Variants in EPHB4 observed in about 807,000 individuals in gnomAD.
EPHB4 encodes EPH receptor B4.
In EPHB4, 50 loss-of-function variants were observed where a neutral mutation model predicts 110.6. The ratio of observed to expected loss-of-function variants is 0.45; its 90% CI spans 0.36 to 0.57. EPHB4 has a LOEUF of 0.57. Among genes scored for constraint, EPHB4 ranks in the 20% least tolerant of loss-of-function variants. EPHB4 has a pLI of 0.00. For missense variants in EPHB4, 1,128 were observed against 1,382.1 expected, an observed-to-expected ratio of 0.82 and a Z score of 2.91; for synonymous variants, 592 against 578.4, an observed-to-expected ratio of 1.02 and a Z score of -0.34.
At chr7:100,826,756 G>C (rs1462977782) in intron 1 of EPHB4, 6 of 480,480 alleles carry the variant, frequency 1.2e-5, no homozygotes, top group Non-Finnish European at 1.5e-5. Context: ...GTCCCGGGTC[G>C]TAGCCAGACT....
chr7:100,812,976 C>A lies in EPHB4; in HGVS notation c.1889G>T (p.Cys630Phe), dbSNP rs768852064. 2 of 1,613,714 alleles carry A rather than the reference C, an allele frequency of 1.2e-6. No homozygotes were observed. The highest frequency in any genetic ancestry group is 2.2e-5 in the South Asian group (2 of 91,078). The change falls in exon 12 of 17, where the codon TGC becomes TTC. Residue 630 changes from cysteine to phenylalanine, a missense_variant. Physicochemically the swap from Cys to Phe is radical, Grantham distance 205. Transcript: ENST00000358173. ...VIGAGEFGEVCRGRLKAPGKK... is the reference protein window; with the variant it reads ...VIGAGEFGEVFRGRLKAPGKK... ...CCCTGGGGCCTTGAGCCGCCCCCGG[C>A]ACACCTCGCCAAACTCACCTTCAAA...
chr7:100,807,117 T>A (rs1258713150), intron 13 of EPHB4, among the ~76,000 whole-genome samples: 3 of 152,196 alleles, frequency 2.0e-5, no homozygotes, highest in Non-Finnish European at 4.4e-5. Context: ...TGCATGCCAC[T>A]GCGCCTGGCT....
chr7:100,807,113 C>A (rs1459196529), intron 13 of EPHB4, among the ~76,000 whole-genome samples: 1 of 152,182 alleles, frequency 6.6e-6, no homozygotes, highest in East Asian at 1.9e-4. Context: ...CAGGTGCATG[C>A]CACTGCGCCT....
intron 1 of EPHB4, 136 bp downstream of exon 1, chr7:100,826,843 T>A: frequency 1.8e-4 from 108 of 601,504 alleles, no homozygotes; most frequent in East Asian, 4.0e-4. Flanking sequence ...GTTCCAGCAC[T>A]ATCGGTCCGA....
rs775083333 is a variant in EPHB4, at chr7:100,818,537, C to T, written c.1405G>A (p.Val469Ile). Reference protein sequence around the residue: ...APSGAVLDYEVKYHEKGAEGP... With the variant: ...APSGAVLDYEIKYHEKGAEGP... ...GGCCTTACCTTCTCATGGTATTTGA[C>T]CTCGTAGTCCAGCACAGCCCCACTG... Residue 469 changes from valine to isoleucine, a missense_variant, in exon 7 of 17, where the codon GTC becomes ATC. Physicochemically the swap from Val to Ile is conservative, Grantham distance 29. Transcript: ENST00000358173. The T allele has an allele frequency of 1.7e-5, 28 of 1,613,960 alleles. No individual in the cohort carries two copies. The highest frequency in any genetic ancestry group is 2.3e-5 in the Non-Finnish European group (27 of 1,180,006).
rs1368264498 is a variant in EPHB4, at chr7:100,819,811, T to C, written c.1043A>G (p.Glu348Gly). The change falls in exon 6 of 17, where the codon GAG becomes GGG. Residue 348 changes from glutamate to glycine, a missense_variant. This residue lies in a region of EPHB4 where 728 missense variants were observed against 828.6 expected (regional missense o/e 0.88). Coordinates refer to ENST00000358173, the MANE Select transcript of EPHB4 (RefSeq NM_004444.5). ...GGTGAGGTCCTCTCGGCCACCAGAC[T>C]CCAGGGGGGCACTCCATTCCAGGTG... ...SLHLEWSAPLESGGREDLTYA... is the reference protein window; with the variant it reads ...SLHLEWSAPLGSGGREDLTYA... The C allele has an allele frequency of 7.0e-6, 11 of 1,562,268 alleles. No homozygotes were observed. Among genetic ancestry groups the C allele is most frequent in the Non-Finnish European group, 9.5e-6 (11 of 1,153,770 alleles).
intron 1 of EPHB4, 66 bp downstream of exon 1, chr7:100,826,913 G>A (rs1399453880): frequency 6.6e-7 from 1 of 1,524,322 alleles, no homozygotes; most frequent in Non-Finnish European, 8.8e-7. Context: ...TCCACTCCGA[G>A]GCCCAGATGT....
At chr7:100,813,306 GTTTTTTTTTT>G (rs750195537) in intron 10 of EPHB4, 98 bp from the exon 11 acceptor site, 195 of 385,888 alleles carry the variant, frequency 5.1e-4, no homozygotes, top group African/African-American at 5.0e-3. Flanking sequence ...TGTCTCCGTG[GTTTTTTTTTT>G]TTTTTTTTTT....
chr7:100,803,537 G>C lies in EPHB4; in HGVS notation c.2888C>G (p.Ala963Gly), dbSNP rs1812746416. Reference sequence around the variant, plus strand: ...CTGGGACTTCATGTGCTGGACACTGGCCAAGATTTTCTTCTGGTGTCCCGC... The same window carrying C: ...CTGGGACTTCATGTGCTGGACACTGCCCAAGATTTTCTTCTGGTGTCCCGC... ...TLAGHQKKIL[A>G]SVQHMKSQAK... Residue 963 changes from alanine (A) to glycine (G), a missense_variant, in exon 17 of 17, where the codon GCC becomes GGC. By Grantham distance (60) the Ala-to-Gly change is moderately conservative (BLOSUM62 0). This residue lies in a region of EPHB4 where 209 missense variants were observed against 240.5 expected (regional missense o/e 0.87). Coordinates refer to ENST00000358173, the MANE Select transcript of EPHB4 (RefSeq NM_004444.5). 6.2e-7 allele frequency: 1 copy of C among 1,602,336 alleles called. No homozygotes were observed. Among genetic ancestry groups the C allele is most frequent in the African/African-American group, 1.3e-5 (1 of 74,834 alleles).
chr7:100,822,171 T>A lies in EPHB4; in HGVS notation c.808+100A>T, dbSNP rs968869026. 45 of 1,421,980 alleles carry A rather than the reference T, an allele frequency of 3.2e-5. No individual in the cohort carries two copies. The highest frequency in any genetic ancestry group is 5.0e-5 in the Admixed American group (2 of 39,772). 88.1% of individuals were successfully genotyped at this position (1,421,980 alleles called of 1,614,324 possible). ...GACAGAGCAAGCCTCCATTTCAACA[T>A]CTAACTATACAAAATGGAAACTTAA... is the stretch of plus-strand genomic sequence containing the variant. On this transcript the variant is annotated intron_variant, in intron 4 of 16. Transcript: ENST00000358173. This position sits in a 1 kb window ranked among gnomAD's most constrained non-coding sequence, Gnocchi z 4.7.
At position 100,820,313 on chromosome 7, in the gene EPHB4, A is replaced by G; in HGVS notation, c.809-17T>C. 1.2e-6 allele frequency: 2 copies of G among 1,612,134 alleles called. No homozygotes were observed. The highest frequency in any genetic ancestry group is 1.7e-6 in the Non-Finnish European group (2 of 1,179,376). On this transcript the variant is annotated splice_polypyrimidine_tract_variant and intron_variant, in intron 4 of 16. Coordinates refer to ENST00000358173, the MANE Select transcript of EPHB4 (RefSeq NM_004444.5). Reference sequence around the variant, plus strand: ...GGGCACAGGCTGAGAGAGAGAAAGCATTCATCAAAAGCATGCACAAAAACA... The same window carrying G: ...GGGCACAGGCTGAGAGAGAGAAAGCGTTCATCAAAAGCATGCACAAAAACA...
At chr7:100,816,780 A>G (rs1295394481) in intron 8 of EPHB4, among the ~76,000 whole-genome samples, 2 of 152,180 alleles carry the variant, frequency 1.3e-5, no homozygotes, top group South Asian at 2.1e-4. Context: ...CCACAGGAAG[A>G]AGGACATGAA....
rs541168232 is a variant in EPHB4 at position 100,814,563 on chromosome 7, T to C, written c.1589-542A>G. Among the ~76,000 whole-genome samples the C allele has an allele frequency of 7.2e-5, 11 of 152,122 alleles. No homozygotes were observed. In the South Asian group the frequency reaches 1.9e-3, roughly 26 times the overall value. ...TTTGGTTCTAGTATAAATACCAGAG[T>C]CCACAAAAAAATCTCCATTCAATGA... On this transcript the variant is annotated intron_variant, in intron 8 of 16. Transcript: ENST00000358173.
intron 8 of EPHB4, among the ~76,000 whole-genome samples, chr7:100,816,046 CG>C (rs1426605933): frequency 2.0e-5 from 3 of 151,212 alleles, no homozygotes; most frequent in South Asian, 2.1e-4. Flanking sequence ...CCCAGCATTT[CG>C]GGAAGCCGAG....
chr7:100,818,358 A>G (rs962165253), intron 7 of EPHB4, among the ~76,000 whole-genome samples, 162 bp downstream of exon 7: 4 of 152,204 alleles, frequency 2.6e-5, no homozygotes, highest in Non-Finnish European at 5.9e-5. Flanking sequence ...ATAGATGAAG[A>G]GTCTGAGGCT....
At position 100,822,257 on chromosome 7, in the gene EPHB4, G is replaced by A; in HGVS notation, c.808+14C>T. On this transcript the variant is annotated intron_variant, in intron 4 of 16. Coordinates refer to ENST00000358173, the MANE Select transcript of EPHB4 (RefSeq NM_004444.5). This position sits in a 1 kb window ranked among gnomAD's most constrained non-coding sequence, Gnocchi z 4.7. The stretch of plus-strand genomic sequence containing the variant: ...CGGATGAGCAGCAGTCGCAGGGGAA[G>A]CTCCAGCTCTCACCTCGGCACTTGG... 6.4e-7 allele frequency: 1 copy of A among 1,551,924 alleles called. No homozygotes were observed. Among genetic ancestry groups the A allele is most frequent in the South Asian group, 1.2e-5 (1 of 84,442 alleles).
intron 10 of EPHB4, 59 bp downstream of exon 10, chr7:100,813,593 G>A (rs184554106): frequency 2.5e-6 from 4 of 1,590,486 alleles, no homozygotes; most frequent in Admixed American, 3.4e-5. Flanking sequence ...TGGGATTATA[G>A]ATAGGAGCCA....
chr7:100,816,914 T>C (rs1471491693), intron 8 of EPHB4, among the ~76,000 whole-genome samples: 1 of 151,568 alleles, frequency 6.6e-6, no homozygotes, highest in East Asian at 2.0e-4. Flanking sequence ...AAGCCCCGTC[T>C]CTACTAAAAA....
intron 1 of EPHB4, 54 bp downstream of exon 1, chr7:100,826,924 TG>T (rs1429888365): frequency 2.6e-5 from 40 of 1,517,950 alleles, no homozygotes; most frequent in African/African-American, 2.8e-5. Flanking sequence ...GCCCAGATGT[TG>T]GGGGGGAGGT....
Sources: gnomAD v4.1 joint callset for allele counts (sites outside exome capture counted in the v4.1 genomes callset) on GRCh38, gnomAD v4.1.1 for gene constraint, gnomAD v4.1.1 regional missense constraint, Gnocchi (gnomAD v3.1) non-coding constraint, MANE v1.5 for transcripts, NCBI Gene and HGNC (gene_info 2026-07-23, HGNC 2026-07-21) for gene names.